The following PDE4D variants were observed in gnomAD, a reference collection of about 807,000 sequenced individuals.
PDE4D encodes phosphodiesterase 4D, also known as 3',5'-cyclic-AMP phosphodiesterase 4D.
In PDE4D, 24 loss-of-function variants were observed where a neutral mutation model predicts 87.4. That is an observed-to-expected ratio of 0.27 (90% CI 0.20 to 0.39). The LOEUF (loss-of-function observed/expected upper bound fraction) is 0.39, where lower values mean the gene tolerates loss of function less well. Ranked by LOEUF, PDE4D falls within the 10% of genes least tolerant of loss-of-function variation. The probability of loss-of-function intolerance (pLI) is 1.00; values close to 1 mark genes in which losing one functional copy is unlikely to be tolerated. For missense variants in PDE4D, 714 were observed against 1,041.0 expected (o/e 0.69, Z 4.32); for synonymous variants, 384 against 383.2 (o/e 1.00, Z -0.02).
chr5:59,069,422 C>T (rs6892860), intron 5 of PDE4D, among the ~76,000 whole-genome samples: 29,419 of 151,996 alleles, frequency 0.19, 3,514 homozygotes, highest in East Asian at 0.64. Context: ...CAGTGGTGCT[C>T]GTACCAGCGT....
intron 11 of PDE4D, among the ~76,000 whole-genome samples, chr5:58,988,036 A>G (rs1746910646): frequency 6.6e-6 from 1 of 152,162 alleles, no homozygotes; most frequent in African/African-American, 2.4e-5. Context: ...AGTTCCTGTT[A>G]CCCTTATTAG....
At chr5:60,319,769 G>A (rs768945828) in intron 1 of PDE4D, among the ~76,000 whole-genome samples, 3 of 152,172 alleles carry the variant, frequency 2.0e-5, no homozygotes, top group Non-Finnish European at 4.4e-5. Context: ...GTTTCCCTGG[G>A]TATCAGCAGC....
At chr5:59,883,353 A>G (rs1157129699) in intron 1 of PDE4D, among the ~76,000 whole-genome samples, 1 of 152,214 alleles carries the variant, frequency 6.6e-6, no homozygotes, top group African/African-American at 2.4e-5. Flanking sequence ...CAGGAGAGTG[A>G]GTCTAGAAGA....
intron 1 of PDE4D, among the ~76,000 whole-genome samples, chr5:59,350,685 C>T (rs1034801431): frequency 1.3e-5 from 2 of 152,180 alleles, no homozygotes; most frequent in South Asian, 2.1e-4. Context: ...AGCTTACATT[C>T]TATTATTAAT....
At chr5:59,656,894 A>G (rs944833531) in intron 1 of PDE4D, among the ~76,000 whole-genome samples, 2 of 152,196 alleles carry the variant, frequency 1.3e-5, no homozygotes, top group Non-Finnish European at 2.9e-5. Flanking sequence ...TTCCTTATAG[A>G]GATAGCATTT....
intron 1 of PDE4D, among the ~76,000 whole-genome samples, chr5:59,733,391 G>A (rs1482110587): frequency 1.3e-5 from 2 of 152,108 alleles, no homozygotes; most frequent in African/African-American, 4.8e-5. Context: ...AGATTATTTT[G>A]AGAAGTCAGT....
chr5:60,211,557 A>C (rs148796067), intron 1 of PDE4D, among the ~76,000 whole-genome samples: 1 of 149,326 alleles, frequency 6.7e-6, no homozygotes, highest in Admixed American at 6.7e-5. Context: ...TGTTTTATAT[A>C]TTGTGTTTAT....
At chr5:59,114,402 C>T (rs950205257) in intron 5 of PDE4D, among the ~76,000 whole-genome samples, 1 of 152,020 alleles carries the variant, frequency 6.6e-6, no homozygotes, top group East Asian at 1.9e-4. Flanking sequence ...TATAAGGAGG[C>T]ACAAATTTAG....
intron 1 of PDE4D, among the ~76,000 whole-genome samples, chr5:59,378,125 T>C (rs1243242168): frequency 6.6e-6 from 1 of 152,194 alleles, no homozygotes; most frequent in Admixed American, 6.5e-5. Context: ...ATCATGTCCT[T>C]TGCAGGAACA....
intron 1 of PDE4D, among the ~76,000 whole-genome samples, chr5:59,820,771 C>G (rs1271516440): frequency 6.6e-6 from 1 of 152,154 alleles, no homozygotes; most frequent in Non-Finnish European, 1.5e-5. Context: ...ATCTATGTAT[C>G]TTATTCAGGA....
intron 1 of PDE4D, among the ~76,000 whole-genome samples, chr5:60,515,582 T>C (rs1310217922): frequency 6.9e-6 from 1 of 144,468 alleles, no homozygotes; most frequent in Non-Finnish European, 1.5e-5. Flanking sequence ...TGATCTGAGC[T>C]TTCTTTCCTT....
intron 1 of PDE4D, among the ~76,000 whole-genome samples, chr5:59,630,781 C>T (rs1015563638): frequency 6.6e-6 from 1 of 152,102 alleles, no homozygotes; most frequent in Non-Finnish European, 1.5e-5. Context: ...CTAAACATGG[C>T]TACCTATGTT....
At chr5:59,220,630 A>T (rs566404805) in intron 1 of PDE4D, among the ~76,000 whole-genome samples, 54 of 152,068 alleles carry the variant, frequency 3.6e-4, no homozygotes, top group Non-Finnish European at 6.0e-4. Flanking sequence ...AAGTTAGCCT[A>T]ATTAGTCAGT....
intron 3 of PDE4D, among the ~76,000 whole-genome samples, chr5:59,959,284 A>G (rs1327066207): frequency 1.3e-5 from 2 of 152,198 alleles, no homozygotes; most frequent in Non-Finnish European, 2.9e-5. Flanking sequence ...AAATGTCCAT[A>G]CTGCCCAAAG....
intron 1 of PDE4D, among the ~76,000 whole-genome samples, chr5:59,675,206 G>A (rs298064): frequency 0.74 from 111,900 of 152,054 alleles, 41,271 homozygotes; most frequent in East Asian, 0.84. Flanking sequence ...CACAGTAAAC[G>A]TCTCAGAATA....
intron 1 of PDE4D, among the ~76,000 whole-genome samples, chr5:60,516,928 G>A (rs1257077510): frequency 6.6e-6 from 1 of 152,104 alleles, no homozygotes; most frequent in Admixed American, 6.5e-5. Context: ...AGTGTGAGGG[G>A]TGGGAGTCCT....
intron 5 of PDE4D, among the ~76,000 whole-genome samples, chr5:59,071,986 G>C (rs976361542): frequency 2.0e-5 from 3 of 152,076 alleles, no homozygotes; most frequent in Non-Finnish European, 4.4e-5. Flanking sequence ...ACCGCGCCCG[G>C]CCAACATCTG....
chr5:60,457,391 G>A (rs1297696031), intron 1 of PDE4D, among the ~76,000 whole-genome samples: 1 of 152,108 alleles, frequency 6.6e-6, no homozygotes, highest in Non-Finnish European at 1.5e-5. Flanking sequence ...GAAACAGCTT[G>A]GAAGAATTTA....
intron 1 of PDE4D, among the ~76,000 whole-genome samples, chr5:59,587,931 A>C (rs1825414503): frequency 6.6e-6 from 1 of 152,174 alleles, no homozygotes; most frequent in East Asian, 1.9e-4. Context: ...CCCAGTGAAA[A>C]AAAAAGAAAT....
Sources: allele counts gnomAD v4.1 joint callset (sites outside exome capture counted in the v4.1 genomes callset), GRCh38; gene constraint gnomAD v4.1.1; transcripts MANE v1.5; gene names NCBI Gene and HGNC (gene_info 2026-07-23, HGNC 2026-07-21).